CLSTN2: variants seen among roughly 807,000 people sequenced by gnomAD.
CLSTN2 encodes calsyntenin 2.
Under a neutral mutation model 101.2 loss-of-function variants are expected in CLSTN2, and 48 were observed. That is an observed-to-expected ratio of 0.47 (90% CI 0.38 to 0.60). The LOEUF (loss-of-function observed/expected upper bound fraction) is 0.60, where lower values mean the gene tolerates loss of function less well. CLSTN2 is among the 20% of genes least tolerant of loss of function. The pLI, the probability that CLSTN2 is intolerant of heterozygous loss-of-function variation, is 0.00. For missense variants in CLSTN2, 1,160 were observed against 1,238.2 expected (o/e 0.94, Z 0.95); for synonymous variants, 481 against 463.6 (o/e 1.04, Z -0.48).
At chr3:139,984,981 C>T (rs1935997513) in intron 1 of CLSTN2, among the ~76,000 whole-genome samples, 1 of 152,136 alleles carries the variant, frequency 6.6e-6, no homozygotes, top group Non-Finnish European at 1.5e-5. Flanking sequence ...ACTTGCAATC[C>T]AGTAACAATG....
intron 2 of CLSTN2, among the ~76,000 whole-genome samples, chr3:140,179,958 A>G (rs2010383168): frequency 2.0e-5 from 3 of 152,172 alleles, no homozygotes; most frequent in Admixed American, 2.0e-4. Flanking sequence ...ATGAGTTTGC[A>G]GTTTCATTCA....
At chr3:140,362,753 T>C (rs61225578) in intron 2 of CLSTN2, among the ~76,000 whole-genome samples, 4,156 of 152,272 alleles carry the variant, frequency 0.027, 162 homozygotes, top group African/African-American at 0.093. Flanking sequence ...AAATGCAATT[T>C]AAAACCACAG....
intron 2 of CLSTN2, among the ~76,000 whole-genome samples, chr3:140,219,721 C>T (rs1417423527): frequency 6.6e-6 from 1 of 152,156 alleles, no homozygotes; most frequent in Non-Finnish European, 1.5e-5. Flanking sequence ...TGCATAACCA[C>T]TTAGCAAGGT....
At chr3:140,074,681 T>G (rs2008456506) in intron 1 of CLSTN2, among the ~76,000 whole-genome samples, 1 of 152,186 alleles carries the variant, frequency 6.6e-6, no homozygotes, top group East Asian at 1.9e-4. Context: ...GCACAGAGAT[T>G]TGTACAATGT....
chr3:140,275,933 A>G (rs1464952144), intron 2 of CLSTN2, among the ~76,000 whole-genome samples: 1 of 152,144 alleles, frequency 6.6e-6, no homozygotes, highest in African/African-American at 2.4e-5. Flanking sequence ...AGACCAAGGG[A>G]GGATTGTAAG....
intron 5 of CLSTN2, among the ~76,000 whole-genome samples, chr3:140,431,862 A>G (rs771660930): frequency 1.3e-5 from 2 of 152,228 alleles, no homozygotes; most frequent in Non-Finnish European, 1.5e-5. Flanking sequence ...CTGTAAATTA[A>G]GAATCATAAT....
At chr3:140,053,557 C>T (rs1003487325) in intron 1 of CLSTN2, among the ~76,000 whole-genome samples, 8 of 152,168 alleles carry the variant, frequency 5.3e-5, no homozygotes, top group Non-Finnish European at 1.0e-4. Context: ...TGGAGGACTG[C>T]CCAGGAGCCA....
intron 1 of CLSTN2, among the ~76,000 whole-genome samples, chr3:140,024,478 C>A (rs909564819): frequency 9.2e-5 from 14 of 152,164 alleles, no homozygotes; most frequent in African/African-American, 3.1e-4. Context: ...GTTTTCTTTT[C>A]CCTGGAGAGA....
chr3:140,351,888 CA>C (rs1465152974), intron 2 of CLSTN2, among the ~76,000 whole-genome samples: 1 of 150,496 alleles, frequency 6.6e-6, no homozygotes, highest in African/African-American at 2.4e-5. Context: ...GAGATATAAA[CA>C]AGTAAAAATT....
intron 1 of CLSTN2, among the ~76,000 whole-genome samples, chr3:140,157,199 A>AG (rs1211830093): frequency 7.3e-6 from 1 of 136,834 alleles, no homozygotes; most frequent in African/African-American, 3.8e-5. Flanking sequence ...ATTGGCCTAA[A>AG]GGTTTTTTTT....
intron 2 of CLSTN2, among the ~76,000 whole-genome samples, chr3:140,255,307 C>T (rs2086595870): frequency 6.6e-6 from 1 of 152,078 alleles, no homozygotes; most frequent in Admixed American, 6.5e-5. Context: ...TGGGCATACA[C>T]CCAAAAGAAA....
At chr3:140,143,268 A>G (rs548510872) in intron 1 of CLSTN2, among the ~76,000 whole-genome samples, 1 of 152,152 alleles carries the variant, frequency 6.6e-6, no homozygotes, top group African/African-American at 2.4e-5. Context: ...AAGTTCCGCA[A>G]TCTCACAACA....
At chr3:140,078,671 TG>T (rs1252198237) in intron 1 of CLSTN2, among the ~76,000 whole-genome samples, 1 of 152,212 alleles carries the variant, frequency 6.6e-6, no homozygotes, top group African/African-American at 2.4e-5. Context: ...CCACTGCTAA[TG>T]GTTTATAAAA....
chr3:140,406,182 G>A (rs2088300035), intron 4 of CLSTN2, among the ~76,000 whole-genome samples: 1 of 152,126 alleles, frequency 6.6e-6, no homozygotes, highest in African/African-American at 2.4e-5. Context: ...ACACCTTCAG[G>A]AGAAACCCAA....
chr3:140,488,638 CT>C (rs66504085), intron 8 of CLSTN2, among the ~76,000 whole-genome samples: 13,761 of 73,406 alleles, frequency 0.19, 880 homozygotes, highest in African/African-American at 0.22. Flanking sequence ...TTAATACGTG[CT>C]TTTTTTTTTT....
At chr3:139,964,517 G>GGGGAA (rs1222801061) in intron 1 of CLSTN2, among the ~76,000 whole-genome samples, 1 of 152,162 alleles carries the variant, frequency 6.6e-6, no homozygotes, top group Non-Finnish European at 1.5e-5. Flanking sequence ...CATCTGGAAG[G>GGGGAA]GGGAAGAGGG....
At chr3:140,240,174 C>CTCTCTCTCTCTCTCTATA (rs1311225528) in intron 2 of CLSTN2, among the ~76,000 whole-genome samples, 3 of 13,350 alleles carry the variant, frequency 2.2e-4, no homozygotes, top group South Asian at 4.4e-3. Flanking sequence ...CTCTCTCTCT[C>CTCTCTCTCTCTCTCTATA]TATATATATA....
At chr3:140,094,334 T>G (rs1040121288) in intron 1 of CLSTN2, among the ~76,000 whole-genome samples, 1 of 152,218 alleles carries the variant, frequency 6.6e-6, no homozygotes, top group Non-Finnish European at 1.5e-5. Context: ...CCATGCCCTT[T>G]CTCCTACTTT....
At chr3:140,291,687 T>C (rs2086955477) in intron 2 of CLSTN2, among the ~76,000 whole-genome samples, 1 of 151,436 alleles carries the variant, frequency 6.6e-6, no homozygotes, top group Admixed American at 6.6e-5. Context: ...TTCCCCTGTC[T>C]GCTTGGCATC....
Sources: gnomAD v4.1 joint callset for allele counts (sites outside exome capture counted in the v4.1 genomes callset) on GRCh38, gnomAD v4.1.1 for gene constraint, MANE v1.5 for transcripts, NCBI Gene and HGNC (gene_info 2026-07-23, HGNC 2026-07-21) for gene names.